FOXJ3: variants seen among roughly 807,000 people sequenced by gnomAD.
FOXJ3 encodes forkhead box protein J3.
FOXJ3 carries 22 observed loss-of-function variants against 76.1 expected under a neutral mutation model. The observed-to-expected ratio is 0.29, with a 90% CI of 0.21 to 0.41. FOXJ3 has a LOEUF of 0.41. Among genes scored for constraint, FOXJ3 ranks in the 10% least tolerant of loss-of-function variants. FOXJ3 has a pLI of 1.00. For synonymous variants in FOXJ3, 269 were observed against 261.2 expected, an observed-to-expected ratio of 1.03 and a Z score of -0.29; for missense variants, 613 against 762.1, an observed-to-expected ratio of 0.80 and a Z score of 2.30.
intron 4 of FOXJ3, among the ~76,000 whole-genome samples, chr1:42,242,058 C>G (rs896410128): frequency 1.3e-5 from 2 of 152,138 alleles, no homozygotes; most frequent in African/African-American, 4.8e-5. Context: ...TACATACACC[C>G]AGAATCAAAG....
Position 42,179,200 on chromosome 1 carries a change from G to GA in FOXJ3, c.*509dup, listed in dbSNP as rs1217749499. 1.3e-5 allele frequency: 2 copies of GA among 152,652 alleles called. No homozygotes were observed. Among genetic ancestry groups the GA allele is most frequent in the African/African-American group, 2.4e-5 (1 of 41,524 alleles). The allele number at this position is 152,652 out of a possible 1,614,324, so 9.5% of individuals were successfully genotyped here. ...ATTAAATAAGGGGAACTGGGTTTTGGAAAAAATCTATTTCCTTTCAGTTTC... is the reference window on the plus strand; with the variant it reads ...ATTAAATAAGGGGAACTGGGTTTTGGAAAAAAATCTATTTCCTTTCAGTTTC... On this transcript the variant is annotated 3_prime_UTR_variant, in exon 13 of 13. Coordinates refer to ENST00000361346, the MANE Select transcript of FOXJ3 (RefSeq NM_014947.5).
intron 11 of FOXJ3, among the ~76,000 whole-genome samples, chr1:42,186,424 CTA>C (rs1646437077): frequency 6.6e-6 from 1 of 152,042 alleles, no homozygotes; most frequent in African/African-American, 2.4e-5. Flanking sequence ...TGAAGAAAAA[CTA>C]TAGTTTTTCT....
intron 4 of FOXJ3, among the ~76,000 whole-genome samples, chr1:42,252,750 T>C (rs1258392901): frequency 1.3e-5 from 2 of 152,198 alleles, no homozygotes; most frequent in African/African-American, 4.8e-5. Context: ...TCCTGCTTTC[T>C]CTTGTGGGCA....
chr1:42,295,383 A>T (rs1008211389), intron 2 of FOXJ3, among the ~76,000 whole-genome samples: 5 of 152,112 alleles, frequency 3.3e-5, no homozygotes, highest in Non-Finnish European at 7.4e-5. Context: ...AAAGTACATG[A>T]TTTCATTCTT....
intron 4 of FOXJ3, among the ~76,000 whole-genome samples, chr1:42,232,105 A>T (rs1360678908): frequency 6.6e-6 from 1 of 152,254 alleles, no homozygotes; most frequent in East Asian, 1.9e-4. Flanking sequence ...AGCCTCATCC[A>T]TGTCCCTAAA....
intron 9 of FOXJ3, among the ~76,000 whole-genome samples, chr1:42,190,738 G>A (rs1343936369): frequency 6.6e-6 from 1 of 152,204 alleles, no homozygotes; most frequent in Non-Finnish European, 1.5e-5. Context: ...CTAATTTGTT[G>A]TTGTTGTTGT....
rs1646243659 is a variant in FOXJ3 at position 42,177,825 on chromosome 1, G to C, written c.*1885C>G. 1 of 152,388 alleles carries C rather than the reference G, an allele frequency of 6.6e-6. No homozygotes were observed. Among genetic ancestry groups the C allele is most frequent in the South Asian group, 2.1e-4 (1 of 4,814 alleles). The allele number at this position is 152,388 out of a possible 1,614,324, so 9.4% of individuals were successfully genotyped here. On this transcript the variant is annotated 3_prime_UTR_variant, in exon 13 of 13. Coordinates refer to ENST00000361346, the MANE Select transcript of FOXJ3 (RefSeq NM_014947.5). ...ACACACACAGAAACAAAAGATGTTT[G>C]TTTAGTTCAAGTAGAGATTACTCAA...
chr1:42,188,480 G>C (rs1646480612), intron 11 of FOXJ3, among the ~76,000 whole-genome samples: 1 of 152,028 alleles, frequency 6.6e-6, no homozygotes, highest in African/African-American at 2.4e-5. Flanking sequence ...CTTAGTAAAA[G>C]GATAATGGTT....
chr1:42,293,712 A>G (rs185297052), intron 2 of FOXJ3, among the ~76,000 whole-genome samples: 24 of 152,308 alleles, frequency 1.6e-4, no homozygotes, highest in African/African-American at 5.8e-4. Flanking sequence ...ACTAAGAAGC[A>G]CTATCTTTTT....
chr1:42,250,518 C>A lies in FOXJ3; in HGVS notation c.444+14597G>T, dbSNP rs562755163. Among the ~76,000 whole-genome samples the A allele has an allele frequency of 3.7e-4, 56 of 152,172 alleles. No individual in the cohort carries two copies. In the South Asian group the frequency reaches 0.011, roughly 29 times the overall value. On this transcript the variant is annotated intron_variant, in intron 4 of 12. Coordinates refer to ENST00000361346, the MANE Select transcript of FOXJ3 (RefSeq NM_014947.5). ...ATTTCACCAATTACCTATGCATATA[C>A]ACAAGAAGGACCAAAGGGAAGCTCT...
At chr1:42,183,063 T>G (rs1646356830) in intron 11 of FOXJ3, among the ~76,000 whole-genome samples, 2 of 148,498 alleles carry the variant, frequency 1.3e-5, no homozygotes, top group Admixed American at 1.3e-4. Flanking sequence ...TCACCTGAGG[T>G]CACGAGTTCA....
intron 5 of FOXJ3, among the ~76,000 whole-genome samples, chr1:42,222,721 C>T (rs947798889): frequency 5.3e-5 from 8 of 152,182 alleles, no homozygotes; most frequent in Non-Finnish European, 1.2e-4. Flanking sequence ...GTGTTTACTC[C>T]TACCTTTCTC....
intron 5 of FOXJ3, among the ~76,000 whole-genome samples, chr1:42,224,249 G>C (rs1270719622): frequency 6.6e-6 from 1 of 151,946 alleles, no homozygotes; most frequent in Non-Finnish European, 1.5e-5. Flanking sequence ...ATTTGTTTAA[G>C]GTCTTCAGGA....
In FOXJ3 at chr1:42,230,227, T is replaced by C. The variant is rs144650622; in HGVS notation, c.445-2261A>G. Among the ~76,000 whole-genome samples the C allele has an allele frequency of 5.9e-5, 9 of 152,328 alleles. No individual in the cohort carries two copies. The East Asian group carries it at 1.5e-3, about 26-fold the overall frequency. On this transcript the variant is annotated intron_variant, in intron 4 of 12. Transcript: ENST00000361346. ...GTTCAGGCTAACACAGTATTTGAGTTTGATCTCTGAAATCACAGGTTTGAA... is the reference window on the plus strand; with the variant it reads ...GTTCAGGCTAACACAGTATTTGAGTCTGATCTCTGAAATCACAGGTTTGAA...
chr1:42,249,759 A>G (rs1649865210), intron 4 of FOXJ3, among the ~76,000 whole-genome samples: 1 of 152,218 alleles, frequency 6.6e-6, no homozygotes, highest in African/African-American at 2.4e-5. Context: ...CGAAAAACTC[A>G]CAATTGAATG....
At chr1:42,324,709 A>G (rs1237827386) in intron 1 of FOXJ3, among the ~76,000 whole-genome samples, 1 of 152,172 alleles carries the variant, frequency 6.6e-6, no homozygotes, top group African/African-American at 2.4e-5. Context: ...ACTGGAATAC[A>G]AAAGTATTTG....
chr1:42,279,043 CAAGCCGTTAA>C (rs1652501850), intron 2 of FOXJ3, among the ~76,000 whole-genome samples: 2 of 152,154 alleles, frequency 1.3e-5, no homozygotes, highest in African/African-American at 4.8e-5. Flanking sequence ...ACCACCACCA[CAAGCCGTTAA>C]AAGCTTAAAA....
At chr1:42,274,550 A>C (rs189651313) in intron 3 of FOXJ3, among the ~76,000 whole-genome samples, 261 of 152,282 alleles carry the variant, frequency 1.7e-3, no homozygotes, top group Admixed American at 3.4e-3. Context: ...AAACTCTACA[A>C]AGTTACTTAA....
chr1:42,182,545 T>A (rs1646346009), intron 11 of FOXJ3, among the ~76,000 whole-genome samples: 1 of 152,198 alleles, frequency 6.6e-6, no homozygotes, highest in African/African-American at 2.4e-5. Flanking sequence ...TCACCCAGGC[T>A]AGAATGCAGT....
Sources: allele counts gnomAD v4.1 joint callset (sites outside exome capture counted in the v4.1 genomes callset), GRCh38; gene constraint gnomAD v4.1.1; transcripts MANE v1.5; gene names NCBI Gene and HGNC (gene_info 2026-07-23, HGNC 2026-07-21).